The following ATP4B variants were observed in gnomAD, a reference collection of about 807,000 sequenced individuals.
ATP4B encodes ATPase H+/K+ transporting subunit beta, also known as potassium-transporting ATPase subunit beta.
A neutral mutation model predicts 35.3 loss-of-function variants in ATP4B; 27 were observed. The observed-to-expected ratio is 0.76, with a 90% confidence interval of 0.56 to 1.05. The LOEUF is 1.05. ATP4B is among the 50% of genes least tolerant of loss of function. ATP4B has a pLI of 0.00. For missense variants in ATP4B, 375 were observed against 384.8 expected (o/e 0.97, Z 0.21); for synonymous variants, 162 against 156.0 (o/e 1.04, Z -0.29).
At chr13:113,655,048 T>C (rs1265155625) in intron 1 of ATP4B, 106 bp from the exon 2 acceptor site, 8 of 1,448,580 alleles carry the variant, frequency 5.5e-6, no homozygotes, top group Admixed American at 4.1e-5. Context: ...CTTCCCTACC[T>C]AGTTCCAGAA....
In ATP4B at chr13:113,651,588, T is replaced by A. The variant is rs966208731; in HGVS notation, c.612+83A>T. The A allele has an allele frequency of 3.6e-6, 5 of 1,397,188 alleles. No individual in the cohort carries two copies. In the South Asian group the frequency reaches 4.7e-5, roughly 13 times the overall value. 86.5% of individuals were successfully genotyped at this position (1,397,188 alleles called of 1,614,324 possible). A position where few individuals can be genotyped will look rare whatever the true frequency, so the allele number is the denominator to read the frequency against. The stretch of plus-strand genomic sequence containing the variant: ...GCTGACATTCCTGGAGAGAACCAGG[T>A]GGGCCGTGCCCAGCATGAACCAGCA... On this transcript the variant is annotated intron_variant, in intron 5 of 6. Transcript: ENST00000335288.
Position 113,651,658 on chromosome 13 carries a change from C to T in ATP4B, c.612+13G>A, listed in dbSNP as rs374655962. On this transcript the variant is annotated intron_variant, in intron 5 of 6. Transcript: ENST00000335288. ...TCCTGGGGCAGCCCTGCCCGCCGCG[C>T]GGCCGTACTCACCAGGAAGGCGCAG... The T allele has an allele frequency of 1.1e-4, 181 of 1,606,378 alleles. No homozygotes were observed. The highest frequency in any genetic ancestry group is 1.4e-4 in the Non-Finnish European group (160 of 1,175,884).
chr13:113,652,124 C>T (rs1282735982), intron 4 of ATP4B, among the ~76,000 whole-genome samples: 1 of 152,228 alleles, frequency 6.6e-6, no homozygotes, highest in Non-Finnish European at 1.5e-5. Flanking sequence ...CCCACCCGGG[C>T]CTTCAGCCCC....
intron 1 of ATP4B, among the ~76,000 whole-genome samples, chr13:113,657,038 C>T (rs2049760389): frequency 6.6e-6 from 1 of 152,264 alleles, no homozygotes; most frequent in African/African-American, 2.4e-5. Context: ...CTCCAGCTGG[C>T]TCTGGTGCCC....
At chr13:113,654,112 G>GT (rs2049735304) in intron 2 of ATP4B, among the ~76,000 whole-genome samples, 1 of 152,188 alleles carries the variant, frequency 6.6e-6, no homozygotes, top group African/African-American at 2.4e-5. Context: ...CATAAATGTG[G>GT]TTTCATTGTG....
chr13:113,655,395 G>A (rs930705205), intron 1 of ATP4B, among the ~76,000 whole-genome samples: 1 of 152,176 alleles, frequency 6.6e-6, no homozygotes, highest in Non-Finnish European at 1.5e-5. Flanking sequence ...GTGCATGGCC[G>A]GTCCTGCTTC....
intron 1 of ATP4B, among the ~76,000 whole-genome samples, chr13:113,657,174 C>A (rs1406365821): frequency 6.6e-6 from 1 of 152,100 alleles, no homozygotes; most frequent in Non-Finnish European, 1.5e-5. Flanking sequence ...GTGGGGCGGG[C>A]CTGGGGCTTT....
At position 113,653,350 on chromosome 13, in the gene ATP4B, A is replaced by T; in HGVS notation, c.326T>A (p.Leu109His). The change falls in exon 3 of 7, where the codon CTC (leucine) becomes CAC (histidine). Residue 109 changes from leucine to histidine, a missense_variant. Leu to His is a moderately conservative substitution (Grantham distance 99). Transcript: ENST00000335288. ...TAGGAAGGCGTGGAGAGTCTGTGTGAGGTCTGCCCAGGTTCTGTTATCAGA... is the reference window on the plus strand; with the variant it reads ...TAGGAAGGCGTGGAGAGTCTGTGTGTGGTCTGCCCAGGTTCTGTTATCAGA... ...NVSDNRTWADLTQTLHAFLAG... is the reference protein window; with the variant it reads ...NVSDNRTWADHTQTLHAFLAG... 2 of 1,613,944 alleles carry T rather than the reference A, an allele frequency of 1.2e-6. No homozygotes were observed. Among genetic ancestry groups the T allele is most frequent in the Non-Finnish European group, 1.7e-6 (2 of 1,179,948 alleles).
rs781382411 is a variant in ATP4B at position 113,653,445 on chromosome 13, A to T, written c.242-11T>A. On this transcript the variant is annotated splice_polypyrimidine_tract_variant and intron_variant, in intron 2 of 6. Coordinates refer to ENST00000335288, the MANE Select transcript of ATP4B (RefSeq NM_000705.4). The stretch of plus-strand genomic sequence containing the variant: ...GCCTTAAGGTTACCCCTGGAGAGAG[A>T]GACCTTTGTGCTTAGCGTCTCCAAA... 9.9e-6 allele frequency: 16 copies of T among 1,608,452 alleles called. No individual in the cohort carries two copies. The East Asian group carries it at 3.3e-4, about 34-fold the overall frequency.
intron 4 of ATP4B, 151 bp from the exon 5 acceptor site, chr13:113,651,878 C>T: frequency 1.2e-6 from 1 of 852,448 alleles, no homozygotes; most frequent in African/African-American, 1.7e-5. Context: ...TTGCGGCTTC[C>T]CTTGGAGGAA....
intron 2 of ATP4B, among the ~76,000 whole-genome samples, chr13:113,654,313 T>C (rs2049736494): frequency 6.6e-6 from 1 of 152,242 alleles, no homozygotes; most frequent in Non-Finnish European, 1.5e-5. Context: ...ACGTCTGTCC[T>C]GTGGCCTCTG....
intron 2 of ATP4B, 96 bp from the exon 3 acceptor site, chr13:113,653,530 C>A: frequency 9.3e-7 from 1 of 1,078,894 alleles, no homozygotes; most frequent in Non-Finnish European, 1.4e-6. Context: ...GAGGCGGTGG[C>A]CCAACCCAGG....
intron 5 of ATP4B, among the ~76,000 whole-genome samples, chr13:113,651,351 A>G (rs2049710412): frequency 6.6e-6 from 1 of 152,270 alleles, no homozygotes; most frequent in South Asian, 2.1e-4. Flanking sequence ...GTAAAGAAGC[A>G]CATAAAAAGG....
chr13:113,654,764 C>T (rs375727011), intron 2 of ATP4B, 50 bp downstream of exon 2: 19 of 1,590,442 alleles, frequency 1.2e-5, no homozygotes, highest in Admixed American at 5.2e-5. Context: ...GCCGAGGAGG[C>T]GGCAGCCTGG....
At chr13:113,655,769 T>C (rs1181285654) in intron 1 of ATP4B, among the ~76,000 whole-genome samples, 1 of 152,224 alleles carries the variant, frequency 6.6e-6, no homozygotes, top group East Asian at 1.9e-4. Flanking sequence ...GCTCCTCCTC[T>C]CCGCTGATGT....
intron 4 of ATP4B, 70 bp downstream of exon 4, chr13:113,652,802 GT>G (rs1199792057): frequency 6.5e-7 from 1 of 1,540,354 alleles, no homozygotes; most frequent in East Asian, 2.3e-5. Context: ...TGTGCTCCTC[GT>G]GGTGGGTGTG....
At position 113,649,302 on chromosome 13, in the gene ATP4B, A is replaced by C; in HGVS notation, c.*72T>G. On this transcript the variant is annotated 3_prime_UTR_variant, in exon 7 of 7. Transcript: ENST00000335288. This position sits in a 1 kb window ranked among gnomAD's most constrained non-coding sequence, Gnocchi z 4.7. ...ATGATTTGGCAGGGAACTGACGGGC[A>C]AGGTAAGCCCAACCAGGAGGGTGTC... The C allele has an allele frequency of 6.6e-7, 1 of 1,507,074 alleles. No individual in the cohort carries two copies. Among genetic ancestry groups the C allele is most frequent in the Non-Finnish European group, 8.9e-7 (1 of 1,119,218 alleles). 93.4% of individuals were successfully genotyped at this position (1,507,074 alleles called of 1,614,324 possible).
rs1257132763 is a variant in ATP4B at position 113,650,856 on chromosome 13, A to T, written c.613-349T>A. On this transcript the variant is annotated intron_variant, in intron 5 of 6. Transcript: ENST00000335288. This position sits in a 1 kb window ranked among gnomAD's most constrained non-coding sequence, Gnocchi z 5.0. ...AGGGCTGGTTTGCCAAAACTGGGTT[A>T]CAAGTTGGTGTGAGTGGGGCAAGCG... Among the ~76,000 whole-genome samples, 2 of 152,140 alleles carry T rather than the reference A, an allele frequency of 1.3e-5. No homozygotes were observed. The highest frequency in any genetic ancestry group is 1.3e-4 in the Admixed American group (2 of 15,280).
rs757305267 is a variant in ATP4B, at chr13:113,653,347, G to A, written c.329C>T (p.Thr110Ile). The A allele has an allele frequency of 1.9e-6, 3 of 1,614,008 alleles. No homozygotes were observed. Among genetic ancestry groups the A allele is most frequent in the Non-Finnish European group, 2.5e-6 (3 of 1,179,972 alleles). ...VSDNRTWADL[T>I]QTLHAFLAGY... ...TGCTAGGAAGGCGTGGAGAGTCTGT[G>A]TGAGGTCTGCCCAGGTTCTGTTATC... is the stretch of plus-strand genomic sequence containing the variant. Residue 110 changes from threonine (T) to isoleucine (I), a missense_variant, in exon 3 of 7, where the codon ACA becomes ATA. Transcript: ENST00000335288.
Sources: allele counts gnomAD v4.1 joint callset (sites outside exome capture counted in the v4.1 genomes callset), GRCh38; gene constraint gnomAD v4.1.1; non-coding constraint Gnocchi (gnomAD v3.1); transcripts MANE v1.5; gene names NCBI Gene and HGNC (gene_info 2026-07-23, HGNC 2026-07-21).